Variants in CRB1 observed in about 807,000 individuals in gnomAD.
CRB1 encodes the protein protein crumbs homolog 1.
In CRB1, 83 loss-of-function variants were observed where a neutral mutation model predicts 120.0. The ratio of observed to expected loss-of-function variants is 0.69; its 90% confidence interval spans 0.58 to 0.83. The LOEUF (loss-of-function observed/expected upper bound fraction) is 0.83. Among genes scored for constraint, CRB1 ranks in the 40% least tolerant of loss-of-function variants. The pLI, the probability that CRB1 is intolerant of heterozygous loss-of-function variation, is 0.00. For missense variants in CRB1, 1,699 were observed against 1,687.6 expected, an observed-to-expected ratio of 1.01 and a Z score of -0.12; for synonymous variants, 625 against 612.5, an observed-to-expected ratio of 1.02 and a Z score of -0.30.
At chr1:197,392,993 T>C (rs1662586398) in intron 5 of CRB1, among the ~76,000 whole-genome samples, 1 of 152,100 alleles carries the variant, frequency 6.6e-6, no homozygotes, top group African/African-American at 2.4e-5. Context: ...CAGGGGAATA[T>C]ATGTTGTATG....
intron 6 of CRB1, 89 bp from the exon 7 acceptor site, chr1:197,427,365 T>C (rs1664635585): frequency 9.9e-7 from 1 of 1,006,324 alleles, no homozygotes; most frequent in Non-Finnish European, 1.6e-6. Context: ...GTGTGTGAAA[T>C]GTATAATTTT....
chr1:197,281,484 C>T (rs1655517123), intron 1 of CRB1, among the ~76,000 whole-genome samples: 1 of 151,692 alleles, frequency 6.6e-6, no homozygotes, highest in African/African-American at 2.4e-5. Flanking sequence ...CTACTCTTCA[C>T]GTGTTGGGAA....
At chr1:197,241,687 C>T in the CRB1 span, among the ~76,000 whole-genome samples, 1 of 149,048 alleles carries the variant, frequency 6.7e-6, no homozygotes, top group Admixed American at 6.7e-5. Flanking sequence ...TATAGGGGCT[C>T]TTCTTTTAAA....
intron 5 of CRB1, among the ~76,000 whole-genome samples, chr1:197,385,953 T>C (rs1398171336): frequency 1.3e-5 from 2 of 152,034 alleles, no homozygotes; most frequent in Non-Finnish European, 2.9e-5. Flanking sequence ...ACCTTGAAAA[T>C]TATCAAAAAG....
At position 197,477,948 on chromosome 1, in the gene CRB1, T is replaced by C. The variant is rs1343187551; in HGVS notation, c.*69T>C. On this transcript the variant is annotated 3_prime_UTR_variant, in exon 12 of 12. Transcript: ENST00000367400. ...GTGATGACTGTACTTCAGGTATCTC[T>C]GACATACCTGACAATGTTAATCTGC... 2 of 1,373,248 alleles carry C rather than the reference T, an allele frequency of 1.5e-6. No homozygotes were observed. The highest frequency in any genetic ancestry group is 2.1e-6 in the Non-Finnish European group (2 of 961,486). 85.1% of individuals were successfully genotyped at this position (1,373,248 alleles called of 1,614,324 possible).
chr1:197,225,083 C>T, the CRB1 span, among the ~76,000 whole-genome samples: 1 of 152,030 alleles, frequency 6.6e-6, no homozygotes, highest in Non-Finnish European at 1.5e-5. Context: ...ACAACCTCAA[C>T]AAATAGGTAT....
intron 11 of CRB1, among the ~76,000 whole-genome samples, chr1:197,465,999 A>G (rs1469271341): frequency 6.6e-6 from 1 of 152,210 alleles, no homozygotes; most frequent in Non-Finnish European, 1.5e-5. Flanking sequence ...TTGACGCCAC[A>G]CTTTATCACT....
the CRB1 span, among the ~76,000 whole-genome samples, chr1:197,259,694 AAAAG>A: frequency 1.2e-4 from 18 of 152,310 alleles, no homozygotes; most frequent in African/African-American, 3.6e-4. Context: ...TAAAGTTAAA[AAAAG>A]AAAGAAGTAT....
intron 8 of CRB1, among the ~76,000 whole-genome samples, chr1:197,429,994 T>C (rs761694196): frequency 3.3e-5 from 5 of 152,226 alleles, no homozygotes; most frequent in Non-Finnish European, 7.3e-5. Context: ...ATCTCCATCA[T>C]CTAAAGCTTC....
intron 5 of CRB1, among the ~76,000 whole-genome samples, chr1:197,398,237 C>T (rs993626584): frequency 5.9e-5 from 9 of 152,126 alleles, no homozygotes; most frequent in Non-Finnish European, 1.0e-4. Flanking sequence ...GCATTCTTAG[C>T]GTGATGAAAA....
chr1:197,238,701 C>T, the CRB1 span, among the ~76,000 whole-genome samples: 1 of 151,924 alleles, frequency 6.6e-6, no homozygotes, highest in Non-Finnish European at 1.5e-5. Flanking sequence ...CAAAATTAGC[C>T]AGCATGGTGG....
At chr1:197,225,617 C>T in the CRB1 span, among the ~76,000 whole-genome samples, 3 of 152,148 alleles carry the variant, frequency 2.0e-5, no homozygotes, top group African/African-American at 4.8e-5. Flanking sequence ...TCCTCAAAAG[C>T]GGAGGTCTGT....
chr1:197,351,786 C>T (rs918200070), intron 4 of CRB1, among the ~76,000 whole-genome samples: 1 of 152,098 alleles, frequency 6.6e-6, no homozygotes, highest in Non-Finnish European at 1.5e-5. Flanking sequence ...GAGAAAAGGG[C>T]ACAGGTTTAG....
chr1:197,379,879 GT>G (rs1297707472), intron 5 of CRB1, among the ~76,000 whole-genome samples: 3 of 152,158 alleles, frequency 2.0e-5, no homozygotes, highest in Admixed American at 6.5e-5. Context: ...GCACAAAGGA[GT>G]TACCTAGATA....
At chr1:197,359,235 C>G (rs759164840) in intron 5 of CRB1, among the ~76,000 whole-genome samples, 23 of 152,170 alleles carry the variant, frequency 1.5e-4, no homozygotes, top group African/African-American at 5.6e-4. Context: ...CCTTCCCTGC[C>G]TCCTCATCCC....
At chr1:197,460,423 C>A (rs949173893) in intron 11 of CRB1, among the ~76,000 whole-genome samples, 1 of 151,938 alleles carries the variant, frequency 6.6e-6, no homozygotes, top group Non-Finnish European at 1.5e-5. Flanking sequence ...AAAAGCAGAC[C>A]CTTCACTACC....
rs554764100 is a variant in CRB1, at chr1:197,453,878, T to C, written c.4005+11586T>C. On this transcript the variant is annotated intron_variant, in intron 11 of 11. Coordinates refer to ENST00000367400, the MANE Select transcript of CRB1 (RefSeq NM_201253.3). ...TAATATATATTAATATTATTAATAA[T>C]ATATATTATTAATATTATTATATTA... is the stretch of plus-strand genomic sequence containing the variant. 3.5e-3 allele frequency among the ~76,000 whole-genome samples: 489 copies of C among 141,592 alleles called. 3 individuals carry two copies. The highest frequency in any genetic ancestry group is 0.012 in the African/African-American group (469 of 38,420). The allele number at this position is 141,592 out of a possible 152,430, so 92.9% of individuals were successfully genotyped here.
the CRB1 span, among the ~76,000 whole-genome samples, chr1:197,212,392 A>G: frequency 6.6e-6 from 1 of 152,204 alleles, no homozygotes; most frequent in Non-Finnish European, 1.5e-5. Context: ...CGATAAATGG[A>G]TAAATAATTT....
At chr1:197,319,295 G>T (rs996208414) in intron 1 of CRB1, among the ~76,000 whole-genome samples, 1 of 120,922 alleles carries the variant, frequency 8.3e-6, no homozygotes, top group Non-Finnish European at 1.7e-5. Context: ...GGACGTGGTG[G>T]CGGGTGCCTG....
Sources: gnomAD v4.1 joint callset for allele counts (sites outside exome capture counted in the v4.1 genomes callset) on GRCh38, gnomAD v4.1.1 for gene constraint, MANE v1.5 for transcripts, NCBI Gene and HGNC (gene_info 2026-07-23, HGNC 2026-07-21) for gene names.